The following DSCAM variants were observed in gnomAD, a reference collection of about 807,000 sequenced individuals.
DSCAM encodes the protein DS cell adhesion molecule, also known as cell adhesion molecule DSCAM.
Under a neutral mutation model 217.7 loss-of-function variants are expected in DSCAM, and 47 were observed. The ratio of observed to expected loss-of-function variants is 0.22; its 90% CI spans 0.17 to 0.28. DSCAM has a LOEUF of 0.28. Among genes scored for constraint, DSCAM ranks in the 10% least tolerant of loss-of-function variants. The probability of loss-of-function intolerance (pLI) is 1.00; values close to 1 mark genes in which losing one functional copy is unlikely to be tolerated. For missense variants in DSCAM, 2,080 were observed against 2,618.3 expected, an observed-to-expected ratio of 0.79 and a Z score of 4.49; for synonymous variants, 1,056 against 1,015.3, an observed-to-expected ratio of 1.04 and a Z score of -0.76.
intron 11 of DSCAM, among the ~76,000 whole-genome samples, chr21:40,244,253 C>T (rs1163832152): frequency 1.3e-5 from 2 of 152,100 alleles, no homozygotes; most frequent in East Asian, 3.9e-4. Flanking sequence ...GAGTTCGAGA[C>T]CAGACTGGCC....
intron 11 of DSCAM, among the ~76,000 whole-genome samples, chr21:40,194,615 T>A (rs548889621): frequency 6.6e-6 from 1 of 152,226 alleles, no homozygotes. Context: ...TTACATCATA[T>A]CAATTTATAA....
intron 24 of DSCAM, among the ~76,000 whole-genome samples, chr21:40,081,468 C>T (rs760998890): frequency 3.9e-5 from 6 of 152,106 alleles, no homozygotes; most frequent in Non-Finnish European, 7.4e-5. Flanking sequence ...TTCAGCCTTC[C>T]CTCACCACTG....
At chr21:40,530,762 A>C (rs201982473) in intron 3 of DSCAM, among the ~76,000 whole-genome samples, 1,593 of 151,700 alleles carry the variant, frequency 0.011, 31 homozygotes, top group African/African-American at 0.034. Context: ...TCCACCACCC[A>C]CCCCATCGCT....
intron 3 of DSCAM, among the ~76,000 whole-genome samples, chr21:40,378,623 G>A (rs2074989348): frequency 8.6e-6 from 1 of 116,698 alleles, no homozygotes; most frequent in African/African-American, 3.3e-5. Flanking sequence ...ACGGAGTCTC[G>A]CTCTGTCGCC....
chr21:40,334,597 C>A (rs183467079), intron 8 of DSCAM, among the ~76,000 whole-genome samples: 3 of 152,242 alleles, frequency 2.0e-5, no homozygotes, highest in Admixed American at 2.0e-4. Flanking sequence ...GCCCCCTTTC[C>A]CCGAATAGAC....
At chr21:40,845,954 G>A (rs1043679130) in intron 1 of DSCAM, among the ~76,000 whole-genome samples, 5 of 151,310 alleles carry the variant, frequency 3.3e-5, no homozygotes, top group Admixed American at 6.6e-5. Flanking sequence ...GGAAATGTAT[G>A]CTATTTACAA....
chr21:40,342,626 GTATA>G (rs1244685654), intron 6 of DSCAM, among the ~76,000 whole-genome samples: 18 of 94,720 alleles, frequency 1.9e-4, no homozygotes, highest in Admixed American at 9.3e-4. Flanking sequence ...GTGTGTGTGT[GTATA>G]TATATATATA....
intron 3 of DSCAM, among the ~76,000 whole-genome samples, chr21:40,497,720 C>T (rs978974780): frequency 6.6e-6 from 1 of 152,122 alleles, no homozygotes; most frequent in Non-Finnish European, 1.5e-5. Context: ...TCCTGTTGTA[C>T]ACAATAAATA....
chr21:40,396,813 A>G (rs1199687471), intron 3 of DSCAM, among the ~76,000 whole-genome samples: 1 of 152,202 alleles, frequency 6.6e-6, no homozygotes, highest in Non-Finnish European at 1.5e-5. Context: ...TTGAATAAAC[A>G]TAGAAATTGA....
At chr21:40,029,851 C>T (rs1340898799) in intron 32 of DSCAM, among the ~76,000 whole-genome samples, 10 of 152,222 alleles carry the variant, frequency 6.6e-5, no homozygotes, top group Admixed American at 5.9e-4. Flanking sequence ...GGACTTGGCT[C>T]AGGCAGCTGG....
chr21:40,505,884 A>C (rs1314522833), intron 3 of DSCAM, among the ~76,000 whole-genome samples: 6 of 152,218 alleles, frequency 3.9e-5, no homozygotes, highest in Non-Finnish European at 5.9e-5. Flanking sequence ...CACTTCGCCA[A>C]CAACTCTATT....
Position 40,167,270 on chromosome 21 carries a change from T to C in DSCAM, c.2966A>G (p.Gln989Arg). ...ADEAAPDGPP[Q>R]EVHLEPISSQ... ...TGATATAGGCTCCAGGTGAACTTCC[T>C]GAGGTGGACCATCAGGAGCTGTAAG... is the stretch of plus-strand genomic sequence containing the variant. The change falls in exon 16 of 33, where the codon CAG (glutamine) becomes CGG (arginine). Residue 989 changes from glutamine to arginine, a missense_variant. By Grantham distance (43) the Gln-to-Arg change is conservative (BLOSUM62 1). Coordinates refer to ENST00000400454, the MANE Select transcript of DSCAM (RefSeq NM_001389.5). The C allele has an allele frequency of 1.2e-6, 2 of 1,613,976 alleles. No individual in the cohort carries two copies. Among genetic ancestry groups the C allele is most frequent in the Non-Finnish European group, 1.7e-6 (2 of 1,180,014 alleles).
chr21:40,582,612 T>C (rs2076914223), intron 3 of DSCAM, among the ~76,000 whole-genome samples: 1 of 152,140 alleles, frequency 6.6e-6, no homozygotes, highest in Non-Finnish European at 1.5e-5. Flanking sequence ...TAAACACACA[T>C]AATACATATT....
In DSCAM at chr21:40,296,305, A is replaced by C. The variant is rs1305550497; in HGVS notation, c.2063-131T>G. ...CTGTTTCATACACATGGGACAATAA[A>C]AACACTATTGGCAGTTTGGGACAAA... On this transcript the variant is annotated intron_variant, in intron 9 of 32. Coordinates refer to ENST00000400454, the MANE Select transcript of DSCAM (RefSeq NM_001389.5). 3 of 1,130,810 alleles carry C rather than the reference A, an allele frequency of 2.7e-6. No homozygotes were observed. The African/African-American group carries it at 4.8e-5, about 18-fold the overall frequency. 70.0% of individuals were successfully genotyped at this position (1,130,810 alleles called of 1,614,324 possible).
In DSCAM at chr21:40,231,124, GTT is replaced by G. The variant is rs11367532; in HGVS notation, c.2357-41888_2357-41887del. On this transcript the variant is annotated intron_variant, in intron 11 of 32. Coordinates refer to ENST00000400454, the MANE Select transcript of DSCAM (RefSeq NM_001389.5). Reference sequence around the variant, plus strand: ...ATTTCAGAATGTGGTTCTGGAAGAGGTTTTTTTTTTTTTTTTTTAAATTTTCC... The same window carrying G: ...ATTTCAGAATGTGGTTCTGGAAGAGGTTTTTTTTTTTTTTTTAAATTTTCC... Among the ~76,000 whole-genome samples the G allele has an allele frequency of 2.3e-3, 317 of 137,616 alleles. 1 individual carries two copies. Among genetic ancestry groups the G allele is most frequent in the African/African-American group, 4.3e-3 (156 of 36,700 alleles). 90.3% of individuals were successfully genotyped at this position (137,616 alleles called of 152,430 possible).
chr21:40,716,433 CAGAA>C (rs2090843454), intron 1 of DSCAM, among the ~76,000 whole-genome samples: 1 of 152,000 alleles, frequency 6.6e-6, no homozygotes, highest in East Asian at 1.9e-4. Context: ...GGGTTCAAAA[CAGAA>C]AGCTAAATGA....
chr21:40,346,968 C>T (rs1406399443), intron 6 of DSCAM, among the ~76,000 whole-genome samples: 1 of 152,110 alleles, frequency 6.6e-6, no homozygotes, highest in African/African-American at 2.4e-5. Flanking sequence ...GTGCTCCTAG[C>T]ATACATCTAG....
chr21:40,525,031 A>AAAAAAAAAAAAAAAC (rs2076389835), intron 3 of DSCAM, among the ~76,000 whole-genome samples: 1 of 149,786 alleles, frequency 6.7e-6, no homozygotes, highest in Non-Finnish European at 1.5e-5. Context: ...AAAAAAAAAA[A>AAAAAAAAAAAAAAAC]TCCATTCACA....
chr21:40,098,744 G>A (rs1366282300), intron 20 of DSCAM, among the ~76,000 whole-genome samples: 1 of 152,062 alleles, frequency 6.6e-6, no homozygotes, highest in Non-Finnish European at 1.5e-5. Context: ...ATTACTTATT[G>A]TCAAAACTTT....
Sources: allele counts gnomAD v4.1 joint callset (sites outside exome capture counted in the v4.1 genomes callset), GRCh38; gene constraint gnomAD v4.1.1; transcripts MANE v1.5; gene names NCBI Gene and HGNC (gene_info 2026-07-23, HGNC 2026-07-21).